Variants in GPR4 observed in about 807,000 individuals in gnomAD.
The protein encoded by GPR4 is G protein-coupled receptor 4.
GPR4 carries 11 observed loss-of-function variants against 17.8 expected under a neutral mutation model. That is an observed-to-expected ratio of 0.62 (90% CI 0.39 to 1.02). GPR4 has a LOEUF of 1.02. Among genes scored for constraint, GPR4 ranks in the 50% least tolerant of loss-of-function variants. GPR4 has a pLI of 0.00. For synonymous variants in GPR4, 219 were observed against 222.8 expected, an observed-to-expected ratio of 0.98 and a Z score of 0.15; for missense variants, 364 against 495.4, an observed-to-expected ratio of 0.73 and a Z score of 2.52.
intron 1 of GPR4, among the ~76,000 whole-genome samples, chr19:45,600,336 G>A (rs762231997): frequency 3.9e-5 from 6 of 152,092 alleles, no homozygotes; most frequent in African/African-American, 1.4e-4. Context: ...GGCTCCAGGC[G>A]GAGGGTCAGG....
chr19:45,592,043 C>A lies in GPR4; in HGVS notation c.-177G>T. Reference sequence around the variant, plus strand: ...GTAGGCTGGGCTGGGCTGGGAAGGGCAGAGCTTGAGAGGGAAAAGTTGGAG... The same window carrying A: ...GTAGGCTGGGCTGGGCTGGGAAGGGAAGAGCTTGAGAGGGAAAAGTTGGAG... On this transcript the variant is annotated 5_prime_UTR_variant, in exon 2 of 2. Coordinates refer to ENST00000323040, the MANE Select transcript of GPR4 (RefSeq NM_005282.3). The A allele has an allele frequency of 1.7e-6, 1 of 576,522 alleles. No individual in the cohort carries two copies. The highest frequency in any genetic ancestry group is 3.0e-6 in the Non-Finnish European group (1 of 336,904). 35.7% of individuals were successfully genotyped at this position (576,522 alleles called of 1,614,324 possible).
chr19:45,598,218 C>T (rs1424612693), intron 1 of GPR4, among the ~76,000 whole-genome samples: 1 of 152,094 alleles, frequency 6.6e-6, no homozygotes, highest in South Asian at 2.1e-4. Flanking sequence ...CAGACCGGAA[C>T]GTCCTTGCTA....
chr19:45,601,102 AG>A (rs909561417), intron 1 of GPR4, among the ~76,000 whole-genome samples: 58 of 135,136 alleles, frequency 4.3e-4, no homozygotes, highest in Non-Finnish European at 7.3e-4. Context: ...GCTCAGGAGG[AG>A]GGGGGCTGAT....
At position 45,591,681 on chromosome 19, in the gene GPR4, G is replaced by C. The variant is rs752710522; in HGVS notation, c.186C>G (p.Ala62=). 5 of 1,613,856 alleles carry C rather than the reference G, an allele frequency of 3.1e-6. No individual in the cohort carries two copies. In the African/African-American group the frequency reaches 4.0e-5, roughly 13 times the overall value. ...GCAGCGTGCAGATGTACAGCAGGTCGGCGATGCTGAGGTTCATCAGGTAGA... is the reference window on the plus strand; with the variant it reads ...GCAGCGTGCAGATGTACAGCAGGTCCGCGATGCTGAGGTTCATCAGGTAGA... The part of the protein sequence containing the change: ...LGVYLMNLSI[A]DLLYICTLPL... Residue 62 remains alanine (A), a synonymous_variant, in exon 2 of 2, where the codon GCC becomes GCG. Transcript: ENST00000323040. The surrounding 1 kb of genome is among the most constrained non-coding windows in gnomAD (Gnocchi z 7.6).
rs576380283 is a variant in GPR4, at chr19:45,593,357, G to C, written c.-831-660C>G. On this transcript the variant is annotated intron_variant, in intron 1 of 1. Transcript: ENST00000323040. ...CTACTAAAAATACAAAAATTAGCTG[G>C]ATGTGGTGGCACGTGCCTGTAATCC... Among the ~76,000 whole-genome samples the C allele has an allele frequency of 1.7e-3, 252 of 151,918 alleles. 2 individuals are homozygous for C. The highest frequency in any genetic ancestry group is 5.8e-3 in the African/African-American group (240 of 41,454).
At chr19:45,597,278 A>G (rs765653638) in intron 1 of GPR4, among the ~76,000 whole-genome samples, 24 of 152,124 alleles carry the variant, frequency 1.6e-4, no homozygotes, top group Non-Finnish European at 2.8e-4. Flanking sequence ...CATGTTGGCC[A>G]GGTTGGTCTC....
At position 45,591,642 on chromosome 19, in the gene GPR4, G is replaced by A; in HGVS notation, c.225C>T (p.Asp75=). The A allele has an allele frequency of 6.2e-7, 1 of 1,614,140 alleles. No homozygotes were observed. The highest frequency in any genetic ancestry group is 8.5e-7 in the Non-Finnish European group (1 of 1,179,996). Residue 75 remains aspartate (D), a synonymous_variant, in exon 2 of 2, where the codon GAC becomes GAT. Coordinates refer to ENST00000323040, the MANE Select transcript of GPR4 (RefSeq NM_005282.3). The surrounding 1 kb of genome is among the most constrained non-coding windows in gnomAD (Gnocchi z 7.6). The part of the protein sequence containing the change: ...LYICTLPLWV[D]YFLHHDNWIH... Reference sequence around the variant, plus strand: ...TCCAGTTGTCGTGGTGCAGGAAGTAGTCCACCCACAGCGGCAGCGTGCAGA... The same window carrying A: ...TCCAGTTGTCGTGGTGCAGGAAGTAATCCACCCACAGCGGCAGCGTGCAGA...
In GPR4 at chr19:45,590,943, C is replaced by T. The variant is rs1364486437; in HGVS notation, c.924G>A (p.Leu308=). The change falls in exon 2 of 2, where the codon CTG becomes CTA. Residue 308 remains leucine, a synonymous_variant. Coordinates refer to ENST00000323040, the MANE Select transcript of GPR4 (RefSeq NM_005282.3). ...AKALHNLLRF[L]ASDKPQEMAN... is the part of the protein sequence containing the mutation. ...CCATCTCCTGGGGCTTGTCGCTGGC[C>T]AGAAAGCGGAGCAGGTTGTGCAGGG... 1.2e-6 allele frequency: 2 copies of T among 1,613,938 alleles called. No individual in the cohort carries two copies. Among genetic ancestry groups the T allele is most frequent in the African/African-American group, 2.7e-5 (2 of 74,938 alleles).
At position 45,600,568 on chromosome 19, in the gene GPR4, C is replaced by T. The variant is rs542758670; in HGVS notation, c.-832+1527G>A. Among the ~76,000 whole-genome samples the T allele has an allele frequency of 3.3e-5, 5 of 152,298 alleles. No homozygotes were observed. The South Asian group carries it at 1.0e-3, about 32-fold the overall frequency. On this transcript the variant is annotated intron_variant, in intron 1 of 1. Transcript: ENST00000323040. Reference sequence around the variant, plus strand: ...TCCTCATTGAGAAGACCTCTTTCCCCAAATTAATCCGACTTAGTGGTAGCA... The same window carrying T: ...TCCTCATTGAGAAGACCTCTTTCCCTAAATTAATCCGACTTAGTGGTAGCA...
intron 1 of GPR4, among the ~76,000 whole-genome samples, chr19:45,601,632 G>A (rs1970113035): frequency 6.6e-6 from 1 of 152,138 alleles, no homozygotes; most frequent in Admixed American, 6.5e-5. Flanking sequence ...GAGACGGAGA[G>A]AAAGAGACAG....
In GPR4 at chr19:45,592,274, G is replaced by A. The variant is rs1970006160; in HGVS notation, c.-408C>T. 5.3e-6 allele frequency: 1 copy of A among 189,562 alleles called. No homozygotes were observed. The highest frequency in any genetic ancestry group is 1.2e-5 in the Non-Finnish European group (1 of 82,834). 11.7% of individuals were successfully genotyped at this position (189,562 alleles called of 1,614,324 possible). A position where few individuals can be genotyped will look rare whatever the true frequency, so the allele number is the denominator to read the frequency against. ...AGATGGTTTGCAGGGCAATTAGGAAGTATGTGTAGCCATATTGAAGTAATA... is the reference window on the plus strand; with the variant it reads ...AGATGGTTTGCAGGGCAATTAGGAAATATGTGTAGCCATATTGAAGTAATA... On this transcript the variant is annotated 5_prime_UTR_variant, in exon 2 of 2. Coordinates refer to ENST00000323040, the MANE Select transcript of GPR4 (RefSeq NM_005282.3).
rs573328617 is a variant in GPR4, at chr19:45,596,664, C to T, written c.-831-3967G>A. On this transcript the variant is annotated intron_variant, in intron 1 of 1. Coordinates refer to ENST00000323040, the MANE Select transcript of GPR4 (RefSeq NM_005282.3). ...GGCTCAAGCCATCCTCCCACCTCAG[C>T]CTCGTAAGTGGCTGGGACTACAGGT... 7.2e-5 allele frequency among the ~76,000 whole-genome samples: 11 copies of T among 152,152 alleles called. 1 individual carries two copies. In the South Asian group the frequency reaches 1.7e-3, roughly 23 times the overall value.
At position 45,591,097 on chromosome 19, in the gene GPR4, T is replaced by G; in HGVS notation, c.770A>C (p.Asp257Ala). ...RSAIYLGRPW[D>A]CGFEERVFSA... ...AAAGACGCGCTCCTCGAAGCCGCAG[T>G]CCCAGGGGCGGCCCAGGTAGATGGC... The change falls in exon 2 of 2, where the codon GAC becomes GCC. Residue 257 changes from aspartate to alanine, a missense_variant. Asp to Ala is a moderately radical substitution (Grantham distance 126, BLOSUM62 -2). Transcript: ENST00000323040. The surrounding 1 kb of genome is among the most constrained non-coding windows in gnomAD (Gnocchi z 7.6). 3.1e-6 allele frequency: 5 copies of G among 1,613,822 alleles called. No homozygotes were observed. Among genetic ancestry groups the G allele is most frequent in the Non-Finnish European group, 4.2e-6 (5 of 1,179,992 alleles).
intron 1 of GPR4, chr19:45,599,687 G>C (rs1970094090): frequency 6.6e-6 from 1 of 152,168 alleles, no homozygotes; most frequent in Non-Finnish European, 1.5e-5. Context: ...TGACGTTCTA[G>C]GTCTCTATGG....
chr19:45,593,455 C>A (rs1313170780), intron 1 of GPR4, among the ~76,000 whole-genome samples: 2 of 147,258 alleles, frequency 1.4e-5, no homozygotes, highest in Non-Finnish European at 3.0e-5. Context: ...GCTGAGATCG[C>A]ACCACTGCAC....
In GPR4 at chr19:45,594,080, A is replaced by ATATATATATTTTT. The variant is rs1970031608; in HGVS notation, c.-831-1384_-831-1383insAAAAATATATATA. Among the ~76,000 whole-genome samples the ATATATATATTTTT allele has an allele frequency of 4.7e-5, 6 of 126,328 alleles. No homozygotes were observed. In the South Asian group the frequency reaches 1.3e-3, roughly 27 times the overall value. The allele number at this position is 126,328 out of a possible 152,430, so 82.9% of individuals were successfully genotyped here. ...AAAAAAAAAATATATATATATATAT[A>ATATATATATTTTT]TATATATATATATAAAATAGATGCA... On this transcript the variant is annotated intron_variant, in intron 1 of 1. Coordinates refer to ENST00000323040, the MANE Select transcript of GPR4 (RefSeq NM_005282.3).
intron 1 of GPR4, among the ~76,000 whole-genome samples, chr19:45,593,608 G>A (rs891095635): frequency 6.6e-6 from 1 of 151,908 alleles, no homozygotes; most frequent in Non-Finnish European, 1.5e-5. Context: ...CAGAATTCCT[G>A]TAAAACTGGC....
chr19:45,596,923 G>A (rs1016844410), intron 1 of GPR4, among the ~76,000 whole-genome samples: 12 of 152,156 alleles, frequency 7.9e-5, no homozygotes, highest in African/African-American at 2.9e-4. Context: ...CTCCTCATCC[G>A]GAGTCACAAG....
chr19:45,597,524 C>CT (rs1235147684), intron 1 of GPR4, among the ~76,000 whole-genome samples: 9 of 152,192 alleles, frequency 5.9e-5, no homozygotes, highest in African/African-American at 2.2e-4. Context: ...AGGGCAGAGA[C>CT]TTTGTGTGCC....
Sources: gnomAD v4.1 joint callset for allele counts (sites outside exome capture counted in the v4.1 genomes callset) on GRCh38, gnomAD v4.1.1 for gene constraint, Gnocchi (gnomAD v3.1) non-coding constraint, MANE v1.5 for transcripts, NCBI Gene and HGNC (gene_info 2026-07-23, HGNC 2026-07-21) for gene names.